GGA3: variants seen among roughly 807,000 people sequenced by gnomAD.
The protein encoded by GGA3 is golgi associated, gamma adaptin ear containing, ARF binding protein 3.
A neutral mutation model predicts 77.5 loss-of-function variants in GGA3; 57 were observed. That is an observed-to-expected ratio of 0.74 (90% CI 0.59 to 0.92). The LOEUF (loss-of-function observed/expected upper bound fraction) is 0.92. GGA3 is among the 40% of genes least tolerant of loss of function. The probability of loss-of-function intolerance (pLI) is 0.00; values close to 1 mark genes in which losing one functional copy is unlikely to be tolerated. For synonymous variants in GGA3, 416 were observed against 383.7 expected (o/e 1.08, Z -0.98); for missense variants, 970 against 914.9 (o/e 1.06, Z -0.78).
chr17:75,247,521 C>G (rs2076801110), intron 1 of GGA3, among the ~76,000 whole-genome samples: 1 of 152,186 alleles, frequency 6.6e-6, no homozygotes, highest in Non-Finnish European at 1.5e-5. Context: ...CTTGGCCTCC[C>G]AAAGTGCTGG....
At chr17:75,239,662 G>A in intron 13 of GGA3, 91 bp from the exon 14 acceptor site, 1 of 1,446,766 alleles carries the variant, frequency 6.9e-7, no homozygotes, top group East Asian at 2.4e-5. Context: ...TCTTACCCAG[G>A]CCCACCCCTT....
In GGA3 at chr17:75,239,829, G is replaced by T. The variant is rs1273405353; in HGVS notation, c.1543C>A (p.His515Asn). Residue 515 changes from histidine (H) to asparagine (N), a missense_variant, in exon 13 of 17, where the codon CAC (histidine) becomes AAC (asparagine). Coordinates refer to ENST00000537686, the MANE Select transcript of GGA3 (RefSeq NM_138619.4). Reference protein sequence around the residue: ...GLALGNSALHHLDALDQLLEE... With the variant: ...GLALGNSALHNLDALDQLLEE... ...AGAAGCTGATCGAGGGCATCCAGGT[G>T]GTGCAGCGCGCTGTTGCCCAACGCC... 1 of 1,613,978 alleles carries T rather than the reference G, an allele frequency of 6.2e-7. No individual in the cohort carries two copies. The highest frequency in any genetic ancestry group is 8.5e-7 in the Non-Finnish European group (1 of 1,180,040).
intron 7 of GGA3, among the ~76,000 whole-genome samples, 174 bp downstream of exon 7, chr17:75,242,657 C>T (rs1215168610): frequency 6.6e-6 from 1 of 152,238 alleles, no homozygotes; most frequent in East Asian, 1.9e-4. Flanking sequence ...CTCCTCTCTT[C>T]CGTGCTCCCG....
Position 75,237,753 on chromosome 17 carries a change from C to CCAGG in GGA3, c.*522_*525dup, listed in dbSNP as rs1350129026. The stretch of plus-strand genomic sequence containing the variant: ...CAGTATGCCAGTTCCTTATTCTGGG[C>CCAGG]CAGGCACCTTCCTGGGCCACCTCCC... On this transcript the variant is annotated 3_prime_UTR_variant, in exon 17 of 17. Transcript: ENST00000537686. The CCAGG allele has an allele frequency of 7.0e-7, 1 of 1,431,294 alleles. No homozygotes were observed. Among genetic ancestry groups the CCAGG allele is most frequent in the East Asian group, 2.5e-5 (1 of 39,808 alleles). The allele number at this position is 1,431,294 out of a possible 1,614,324, so 88.7% of individuals were successfully genotyped here.
Position 75,243,150 on chromosome 17 carries a change from G to C in GGA3, c.441C>G (p.Asp147Glu), listed in dbSNP as rs1023052001. 1.2e-6 allele frequency: 2 copies of C among 1,610,814 alleles called. No individual in the cohort carries two copies. The highest frequency in any genetic ancestry group is 2.7e-5 in the African/African-American group (2 of 74,712). The change falls in exon 6 of 17, where the codon GAC becomes GAG. Residue 147 changes from aspartate to glutamate, a missense_variant. By Grantham distance (45) the Asp-to-Glu change is conservative. Coordinates refer to ENST00000537686, the MANE Select transcript of GGA3 (RefSeq NM_138619.4). ...MLKRQGIVQS[D>E]PPIPVDRTLI... The stretch of plus-strand genomic sequence containing the variant: ...GCGTCCTATCCACAGGAATTGGTGG[G>C]TCAGACTGCACTATGCCTGAAAGGG...
intron 1 of GGA3, among the ~76,000 whole-genome samples, chr17:75,251,313 G>C (rs141597862): frequency 4.0e-5 from 6 of 149,098 alleles, no homozygotes; most frequent in African/African-American, 1.5e-4. Context: ...CCCTCAAGGA[G>C]GCTGTGCTCT....
rs771062537 is a variant in GGA3 at position 75,242,919 on chromosome 17, A to AGGAGGAAATCAGAGGT, written c.529-24_529-9dup. On this transcript the variant is annotated splice_polypyrimidine_tract_variant and intron_variant, in intron 6 of 16. Coordinates refer to ENST00000537686, the MANE Select transcript of GGA3 (RefSeq NM_138619.4). ...CAGCAGCTTGGCTAAAAGCTGAGAG[A>AGGAGGAAATCAGAGGT]GGAGGAAATCAGAGGTGAAGGGAAG... 1.9e-6 allele frequency: 3 copies of AGGAGGAAATCAGAGGT among 1,611,348 alleles called. No homozygotes were observed. In the African/African-American group the frequency reaches 4.0e-5, roughly 22 times the overall value.
intron 8 of GGA3, 22 bp downstream of exon 8, chr17:75,242,314 C>G (rs201650275): frequency 4.6e-5 from 75 of 1,613,900 alleles, no homozygotes; most frequent in Non-Finnish European, 5.9e-5. Flanking sequence ...CGGGAGGCAG[C>G]CTTTGCCGTC....
At chr17:75,239,705 AC>A in intron 13 of GGA3, 83 bp downstream of exon 13, 1 of 1,517,944 alleles carries the variant, frequency 6.6e-7, no homozygotes, top group East Asian at 2.3e-5. Flanking sequence ...ACTACAAGGC[AC>A]CCCCACCCCT....
At chr17:75,261,322 G>A (rs1382978094) in intron 1 of GGA3, among the ~76,000 whole-genome samples, 1 of 152,254 alleles carries the variant, frequency 6.6e-6, no homozygotes, top group African/African-American at 2.4e-5. Context: ...TCACGCCGCC[G>A]CGCGCCAGAG....
rs1030420438 is a variant in GGA3, at chr17:75,246,670, A to G, written c.125+42T>C. Reference sequence around the variant, plus strand: ...CTTGGCCATGGTTGTTCCCCTTCCCAGTCCGCTCCCTCTCAGCTGCCCCCA... The same window carrying G: ...CTTGGCCATGGTTGTTCCCCTTCCCGGTCCGCTCCCTCTCAGCTGCCCCCA... On this transcript the variant is annotated intron_variant, in intron 2 of 16. Transcript: ENST00000537686. 7 of 1,597,022 alleles carry G rather than the reference A, an allele frequency of 4.4e-6. No individual in the cohort carries two copies. The African/African-American group carries it at 9.4e-5, about 21-fold the overall frequency.
At chr17:75,244,377 A>G in intron 4 of GGA3, 1 of 460,392 alleles carries the variant, frequency 2.2e-6, no homozygotes, top group African/African-American at 2.0e-5. Flanking sequence ...CACCCTGGAC[A>G]AACACACAGC....
chr17:75,255,192 T>C lies in GGA3; in HGVS notation c.40+6356A>G, dbSNP rs551052339. On this transcript the variant is annotated intron_variant, in intron 1 of 16. Coordinates refer to ENST00000537686, the MANE Select transcript of GGA3 (RefSeq NM_138619.4). ...CATTACCTTCTTTTCAAGGGCCTGT[T>C]TCCCTTGCCTCCATAACTGTTGTGG... 1.8e-3 allele frequency among the ~76,000 whole-genome samples: 269 copies of C among 152,248 alleles called. 4 individuals carry two copies. Among genetic ancestry groups the C allele is most frequent in the African/African-American group, 6.1e-3 (254 of 41,540 alleles).
At chr17:75,240,154 G>GGGGGGGGGGGGGGGC in intron 12 of GGA3, 46 bp from the exon 13 acceptor site, 3 of 465,498 alleles carry the variant, frequency 6.4e-6, no homozygotes, top group Non-Finnish European at 1.3e-5. Context: ...GGTGGGGAGG[G>GGGGGGGGGGGGGGGC]CCTGCCGCTG....
chr17:75,241,325 C>A, intron 10 of GGA3, 75 bp downstream of exon 10: 1 of 983,142 alleles, frequency 1.0e-6, no homozygotes, highest in Non-Finnish European at 1.6e-6. Context: ...GCTGGCCAGC[C>A]TACACCCGCA....
chr17:75,248,826 A>C lies in GGA3; in HGVS notation c.41-2030T>G, dbSNP rs558824278. The C allele has an allele frequency of 4.2e-4, 409 of 965,710 alleles. 8 individuals are homozygous for C. The highest frequency in any genetic ancestry group is 1.1e-3 in the Middle Eastern group (2 of 1,868). The allele number at this position is 965,710 out of a possible 1,614,324, so 59.8% of individuals were successfully genotyped here. A position where few individuals can be genotyped will look rare whatever the true frequency, so the allele number is the denominator to read the frequency against. On this transcript the variant is annotated intron_variant, in intron 1 of 16. Coordinates refer to ENST00000537686, the MANE Select transcript of GGA3 (RefSeq NM_138619.4). ...CAAAAACAAAAAAAACAAAACAAAA[A>C]AAAAAAAACTCACCAGCTGGATGAA...
intron 1 of GGA3, among the ~76,000 whole-genome samples, chr17:75,256,295 A>G (rs145149765): frequency 6.6e-6 from 1 of 151,914 alleles, no homozygotes; most frequent in East Asian, 1.9e-4. Context: ...TACATTTCTC[A>G]TAACTTCCAA....
chr17:75,239,245 A>C, intron 14 of GGA3, 130 bp downstream of exon 14: 1 of 966,778 alleles, frequency 1.0e-6, no homozygotes, highest in Non-Finnish European at 1.5e-6. Flanking sequence ...CTGAGAATGC[A>C]GGCAGGGAGG....
rs530127737 is a variant in GGA3, at chr17:75,237,016, C to T, written c.*1263G>A. 6 of 193,996 alleles carry T rather than the reference C, an allele frequency of 3.1e-5. No homozygotes were observed. In the East Asian group the frequency reaches 5.0e-4, roughly 16 times the overall value. The allele number at this position is 193,996 out of a possible 1,614,324, so 12.0% of individuals were successfully genotyped here. On this transcript the variant is annotated 3_prime_UTR_variant, in exon 17 of 17. Transcript: ENST00000537686. The stretch of plus-strand genomic sequence containing the variant: ...CCACCTTCCTTTCCCCAGAGATGTC[C>T]GATTGCTGAGCTTGTTCACCTGGGC...
Sources: allele counts gnomAD v4.1 joint callset (sites outside exome capture counted in the v4.1 genomes callset), GRCh38; gene constraint gnomAD v4.1.1; transcripts MANE v1.5; gene names NCBI Gene and HGNC (gene_info 2026-07-23, HGNC 2026-07-21).